Variants in SLC35F3 observed in about 807,000 individuals in gnomAD.
SLC35F3 encodes the protein putative thiamine transporter SLC35F3.
In SLC35F3, 25 loss-of-function variants were observed where a neutral mutation model predicts 49.9. The ratio of observed to expected loss-of-function variants is 0.50; its 90% CI spans 0.37 to 0.70. The LOEUF is 0.70. SLC35F3 is among the 30% of genes least tolerant of loss of function. The pLI is 0.00. For synonymous variants in SLC35F3, 275 were observed against 265.4 expected, an observed-to-expected ratio of 1.04 and a Z score of -0.35; for missense variants, 525 against 639.8, an observed-to-expected ratio of 0.82 and a Z score of 1.94.
rs567169528 is a variant in SLC35F3 at position 234,321,519 on chromosome 1, G to A, written c.1237+1332G>A. 5.9e-5 allele frequency among the ~76,000 whole-genome samples: 9 copies of A among 152,292 alleles called. No homozygotes were observed. The South Asian group carries it at 8.3e-4, about 14-fold the overall frequency. ...GGCTTCTGAAAAATCACTTGTCACC[G>A]TCCTCCCCCTACATTCTTTGCATCT... On this transcript the variant is annotated intron_variant, in intron 7 of 7. Coordinates refer to ENST00000366618, the MANE Select transcript of SLC35F3 (RefSeq NM_173508.4).
intron 2 of SLC35F3, among the ~76,000 whole-genome samples, chr1:233,985,835 G>A (rs190135805): frequency 5.6e-4 from 86 of 152,320 alleles, no homozygotes; most frequent in African/African-American, 2.0e-3. Flanking sequence ...AAAGTTCCTG[G>A]TCCTGCCTGG....
At chr1:234,141,609 C>A (rs1057139546) in intron 2 of SLC35F3, among the ~76,000 whole-genome samples, 1 of 152,140 alleles carries the variant, frequency 6.6e-6, no homozygotes, top group Non-Finnish European at 1.5e-5. Flanking sequence ...GGTGGCTTTA[C>A]ATTGCCTTTT....
At chr1:234,103,064 G>C (rs1209530080) in intron 2 of SLC35F3, among the ~76,000 whole-genome samples, 1 of 152,326 alleles carries the variant, frequency 6.6e-6, no homozygotes, top group East Asian at 1.9e-4. Flanking sequence ...TATAAGATTA[G>C]ATTCACTCTA....
At chr1:234,312,938 GC>G (rs1170273561) in intron 4 of SLC35F3, among the ~76,000 whole-genome samples, 1 of 151,976 alleles carries the variant, frequency 6.6e-6, no homozygotes, top group East Asian at 1.9e-4. Flanking sequence ...TTACAGTGGT[GC>G]TATCATAGCT....
chr1:234,315,394 C>T (rs1427578013), intron 4 of SLC35F3, among the ~76,000 whole-genome samples: 1 of 152,218 alleles, frequency 6.6e-6, no homozygotes, highest in Non-Finnish European at 1.5e-5. Flanking sequence ...GTTGGCAGTA[C>T]TTCCTATGTG....
intron 2 of SLC35F3, among the ~76,000 whole-genome samples, chr1:233,988,503 G>A (rs114763349): frequency 0.032 from 4,841 of 152,202 alleles, 227 homozygotes; most frequent in African/African-American, 0.1. Context: ...TTTGCCTTCA[G>A]AAGTGCCTGG....
At chr1:234,156,794 G>A (rs147910353) in intron 2 of SLC35F3, among the ~76,000 whole-genome samples, 8 of 152,244 alleles carry the variant, frequency 5.3e-5, no homozygotes, top group African/African-American at 1.7e-4. Context: ...AAGAAATGAA[G>A]TACCGATACA....
intron 2 of SLC35F3, among the ~76,000 whole-genome samples, chr1:234,084,088 C>T (rs970408842): frequency 1.9e-4 from 29 of 152,058 alleles, no homozygotes; most frequent in Non-Finnish European, 8.8e-5. Context: ...ATCTGCCTGC[C>T]TCAGCCTGCC....
Position 233,940,916 on chromosome 1 carries a change from G to T in SLC35F3, c.283+35158G>T, listed in dbSNP as rs529091545. Reference sequence around the variant, plus strand: ...TACTACAAAATGTCTTTCAAAAAGGGTATACTGATTTACAACACTCACCCA... The same window carrying T: ...TACTACAAAATGTCTTTCAAAAAGGTTATACTGATTTACAACACTCACCCA... On this transcript the variant is annotated intron_variant, in intron 2 of 7. Coordinates refer to ENST00000366618, the MANE Select transcript of SLC35F3 (RefSeq NM_173508.4). 3.9e-5 allele frequency among the ~76,000 whole-genome samples: 6 copies of T among 152,220 alleles called. No homozygotes were observed. The South Asian group carries it at 1.0e-3, about 26-fold the overall frequency.
At chr1:234,319,319 T>TGTC (rs145174417) in intron 6 of SLC35F3, among the ~76,000 whole-genome samples, 16,236 of 152,182 alleles carry the variant, frequency 0.11, 975 homozygotes, top group African/African-American at 0.15. Flanking sequence ...TTATTATTAA[T>TGTC]ATCATCATCA....
chr1:234,087,192 G>A (rs1664974135), intron 2 of SLC35F3, among the ~76,000 whole-genome samples: 2 of 152,154 alleles, frequency 1.3e-5, no homozygotes. Flanking sequence ...CTAGGGATGG[G>A]GAAAGGGATT....
At chr1:234,212,953 A>G (rs1027431376) in intron 2 of SLC35F3, 2 of 152,194 alleles carry the variant, frequency 1.3e-5, no homozygotes, top group Non-Finnish European at 2.9e-5. Context: ...GGGACCCTAT[A>G]TACCTTTTCC....
At chr1:234,200,419 G>A (rs1666886241) in intron 2 of SLC35F3, among the ~76,000 whole-genome samples, 1 of 151,886 alleles carries the variant, frequency 6.6e-6, no homozygotes, top group Non-Finnish European at 1.5e-5. Flanking sequence ...CTATTCTATG[G>A]GTTGTCTTTT....
intron 2 of SLC35F3, among the ~76,000 whole-genome samples, chr1:233,971,292 C>A (rs142660996): frequency 2.0e-5 from 3 of 152,148 alleles, no homozygotes; most frequent in Non-Finnish European, 4.4e-5. Flanking sequence ...AACCTCATTA[C>A]GAAGGAGAAG....
chr1:233,984,618 G>C (rs1663237806), intron 2 of SLC35F3, among the ~76,000 whole-genome samples: 1 of 152,216 alleles, frequency 6.6e-6, no homozygotes, highest in African/African-American at 2.4e-5. Flanking sequence ...TTAAGGAAGA[G>C]AAGCTTTGTT....
chr1:234,125,020 C>T (rs1665626711), intron 2 of SLC35F3, among the ~76,000 whole-genome samples: 1 of 152,140 alleles, frequency 6.6e-6, no homozygotes, highest in African/African-American at 2.4e-5. Context: ...GTGCCTTGTG[C>T]CAGATTCTAG....
chr1:233,996,162 A>C (rs1572013115), intron 2 of SLC35F3, among the ~76,000 whole-genome samples: 1 of 152,122 alleles, frequency 6.6e-6, no homozygotes, highest in African/African-American at 2.4e-5. Context: ...TCAGGAAAAA[A>C]CGGTTAATTG....
chr1:233,926,918 T>C (rs2102791232), intron 2 of SLC35F3, among the ~76,000 whole-genome samples: 1 of 152,314 alleles, frequency 6.6e-6, no homozygotes, highest in South Asian at 2.1e-4. Context: ...TGTTGGAGTT[T>C]GCTGGGGGTT....
At chr1:234,040,597 A>T (rs1436569205) in intron 2 of SLC35F3, among the ~76,000 whole-genome samples, 1 of 152,170 alleles carries the variant, frequency 6.6e-6, no homozygotes, top group Non-Finnish European at 1.5e-5. Flanking sequence ...TGGCTTTGAG[A>T]CTTTCCTTTG....
Sources: gnomAD v4.1 joint callset for allele counts (sites outside exome capture counted in the v4.1 genomes callset) on GRCh38, gnomAD v4.1.1 for gene constraint, MANE v1.5 for transcripts, NCBI Gene and HGNC (gene_info 2026-07-23, HGNC 2026-07-21) for gene names.